Variants in GINM1 observed in about 807,000 individuals in gnomAD.
The protein encoded by GINM1 is glycosylated integral membrane protein 1.
In GINM1, 29 loss-of-function variants were observed where a neutral mutation model predicts 37.8. The observed-to-expected ratio is 0.77, with a 90% CI of 0.57 to 1.05. The LOEUF (loss-of-function observed/expected upper bound fraction) is 1.05, where lower values mean the gene tolerates loss of function less well. Ranked by LOEUF, GINM1 falls within the 50% of genes least tolerant of loss-of-function variation. The pLI is 0.00. For synonymous variants in GINM1, 143 were observed against 146.2 expected (o/e 0.98, Z 0.16); for missense variants, 377 against 397.9 (o/e 0.95, Z 0.45).
chr6:149,582,378 AT>A (rs1778015113), intron 6 of GINM1, 61 bp from the exon 7 acceptor site: 1 of 1,405,622 alleles, frequency 7.1e-7, no homozygotes, highest in African/African-American at 1.4e-5. Context: ...ACATTAAAAA[AT>A]TTAAAGTTTA....
intron 6 of GINM1, chr6:149,582,022 A>G (rs1156520442): frequency 6.4e-6 from 3 of 471,028 alleles, no homozygotes; most frequent in East Asian, 6.9e-5. Flanking sequence ...AAAATTTTCT[A>G]ATATGTTTGT....
Position 149,566,430 on chromosome 6 carries a change from C to A in GINM1, c.16C>A (p.Pro6Thr). 6.4e-7 allele frequency: 1 copy of A among 1,572,600 alleles called. No homozygotes were observed. The highest frequency in any genetic ancestry group is 8.5e-7 in the Non-Finnish European group (1 of 1,170,040). Reference sequence around the variant, plus strand: ...GTTGTCCAAGATGGAGGGCGCTCCACCGGGGTCGCTCGCCCTCCGGCTCCT... The same window carrying A: ...GTTGTCCAAGATGGAGGGCGCTCCAACGGGGTCGCTCGCCCTCCGGCTCCT... MEGAPPGSLALRLLLF... is the reference protein window; with the variant it reads MEGAPTGSLALRLLLF... Residue 6 changes from proline to threonine, a missense_variant, in exon 1 of 8, where the codon CCG becomes ACG. Transcript: ENST00000367419. The surrounding 1 kb of genome is among the most constrained non-coding windows in gnomAD (Gnocchi z 4.4).
At chr6:149,571,312 C>CAAA (rs112300927) in intron 1 of GINM1, among the ~76,000 whole-genome samples, 1 of 73,070 alleles carries the variant, frequency 1.4e-5, no homozygotes. Flanking sequence ...GACTCCCTCT[C>CAAA]AAAAAAAAAA....
chr6:149,580,745 A>G (rs767871983), intron 6 of GINM1, 22 bp downstream of exon 6: 5 of 1,608,506 alleles, frequency 3.1e-6, no homozygotes, highest in Admixed American at 1.7e-5. Flanking sequence ...ATTTGGTGTT[A>G]TCATAAGCAT....
Position 149,579,838 on chromosome 6 carries a change from A to G in GINM1, c.434A>G (p.Gln145Arg), listed in dbSNP as rs372765071. Residue 145 changes from glutamine to arginine, a missense_variant, in exon 5 of 8, where the codon CAG becomes CGG. Gln to Arg is a conservative substitution (Grantham distance 43). Transcript: ENST00000367419. ...TAATTATATTTTCTTTCACAGGTTC[A>G]GCAAAAGGATGTCACTGAAATTGAT... Reference protein sequence around the residue: ...EVVEIDGKQVQQKDVTEIDIL... With the variant: ...EVVEIDGKQVRQKDVTEIDIL... 5.0e-6 allele frequency: 8 copies of G among 1,584,358 alleles called. No homozygotes were observed. Among genetic ancestry groups the G allele is most frequent in the South Asian group, 1.2e-5 (1 of 86,528 alleles).
At position 149,566,575 on chromosome 6, in the gene GINM1, A is replaced by ACT. The variant is rs1207105208; in HGVS notation, c.120+45_120+46dup. On this transcript the variant is annotated intron_variant, in intron 1 of 7. Coordinates refer to ENST00000367419, the MANE Select transcript of GINM1 (RefSeq NM_138785.5). The surrounding 1 kb of genome is among the most constrained non-coding windows in gnomAD (Gnocchi z 4.4). ...CCTGGCTGGCCGCTTTACGACTCCG[A>ACT]CTCTCCGGGAGGCCCGGGCTGTCCA... is the stretch of plus-strand genomic sequence containing the variant. The ACT allele has an allele frequency of 4.8e-6, 7 of 1,443,804 alleles. No individual in the cohort carries two copies. The highest frequency in any genetic ancestry group is 6.4e-6 in the Non-Finnish European group (7 of 1,098,244). The allele number at this position is 1,443,804 out of a possible 1,614,324, so 89.4% of individuals were successfully genotyped here.
chr6:149,569,965 C>T (rs949516379), intron 1 of GINM1, among the ~76,000 whole-genome samples: 2 of 151,610 alleles, frequency 1.3e-5, no homozygotes, highest in Non-Finnish European at 1.5e-5. Context: ...TAAATATGAC[C>T]TGGCTCTGAA....
At chr6:149,587,250 G>A (rs1778082385) in intron 7 of GINM1, among the ~76,000 whole-genome samples, 4 of 152,160 alleles carry the variant, frequency 2.6e-5, no homozygotes, top group Admixed American at 2.6e-4. Context: ...ATACGTGTGT[G>A]GGGATTTTTC....
Position 149,591,388 on chromosome 6 carries a change from A to G in GINM1, c.*550A>G, listed in dbSNP as rs1450664796. On this transcript the variant is annotated 3_prime_UTR_variant, in exon 8 of 8. Transcript: ENST00000367419. The stretch of plus-strand genomic sequence containing the variant: ...AAAGTGGAAGAGAACACATGTGAAG[A>G]GACTTTGAAATTATCAAAAGAAAAA... The G allele has an allele frequency of 2.0e-5, 3 of 152,118 alleles. No homozygotes were observed. Among genetic ancestry groups the G allele is most frequent in the Non-Finnish European group, 4.4e-5 (3 of 67,990 alleles). 9.4% of individuals were successfully genotyped at this position (152,118 alleles called of 1,614,324 possible). A position where few individuals can be genotyped will look rare whatever the true frequency, so the allele number is the denominator to read the frequency against.
chr6:149,572,049 C>G lies in GINM1; in HGVS notation c.121-236C>G, dbSNP rs116613820. Among the ~76,000 whole-genome samples the G allele has an allele frequency of 4.1e-3, 617 of 151,680 alleles. 2 individuals carry two copies. Among genetic ancestry groups the G allele is most frequent in the African/African-American group, 0.014 (586 of 41,350 alleles). On this transcript the variant is annotated intron_variant, in intron 1 of 7. Transcript: ENST00000367419. ...TGAGCCCAGATTGCGGTACTGCACT[C>G]CAGCCTGGCGACAAAGTGAGACTCT... is the stretch of plus-strand genomic sequence containing the variant.
chr6:149,581,307 C>T (rs865854471), intron 6 of GINM1, among the ~76,000 whole-genome samples: 3 of 152,116 alleles, frequency 2.0e-5, no homozygotes, highest in East Asian at 1.9e-4. Context: ...TACAGGCACA[C>T]GCTACCACGC....
chr6:149,566,462 C>T lies in GINM1; in HGVS notation c.48C>T (p.Phe16=), dbSNP rs750702764. The T allele has an allele frequency of 2.5e-6, 4 of 1,571,116 alleles. No individual in the cohort carries two copies. Among genetic ancestry groups the T allele is most frequent in the Non-Finnish European group, 3.4e-6 (4 of 1,169,286 alleles). Residue 16 remains phenylalanine, a synonymous_variant, in exon 1 of 8, where the codon TTC becomes TTT. Transcript: ENST00000367419. This position sits in a 1 kb window ranked among gnomAD's most constrained non-coding sequence, Gnocchi z 4.4. ...CGCTCGCCCTCCGGCTCCTGCTGTTCGTGGCGCTACCCGCCTCCGGCTGGC... is the reference window on the plus strand; with the variant it reads ...CGCTCGCCCTCCGGCTCCTGCTGTTTGTGGCGCTACCCGCCTCCGGCTGGC... The part of the protein sequence containing the change: ...PGSLALRLLL[F]VALPASGWLT...
intron 5 of GINM1, among the ~76,000 whole-genome samples, chr6:149,580,302 A>G (rs1777980080): frequency 6.6e-6 from 1 of 152,222 alleles, no homozygotes; most frequent in Non-Finnish European, 1.5e-5. Context: ...TAATAAGACT[A>G]TTGTAAAGGT....
At chr6:149,583,805 A>T (rs1778034584) in intron 7 of GINM1, among the ~76,000 whole-genome samples, 1 of 152,138 alleles carries the variant, frequency 6.6e-6, no homozygotes, top group Non-Finnish European at 1.5e-5. Context: ...ATAAATGCAT[A>T]GAAAATTTCT....
At position 149,589,498 on chromosome 6, in the gene GINM1, CCT is replaced by C. The variant is rs1050657959; in HGVS notation, c.882-1228_882-1227del. Among the ~76,000 whole-genome samples the C allele has an allele frequency of 1.8e-4, 27 of 152,000 alleles. 1 individual carries two copies. The highest frequency in any genetic ancestry group is 1.8e-3 in the Admixed American group (27 of 15,254). ...ATGTTGGCCAGGCTGGCCTCGAACT[CCT>C]GACCTCAGGTGATCCACCCACCTCA... On this transcript the variant is annotated intron_variant, in intron 7 of 7. Transcript: ENST00000367419.
intron 1 of GINM1, among the ~76,000 whole-genome samples, chr6:149,570,156 AT>A (rs1777791885): frequency 2.3e-4 from 11 of 47,280 alleles, no homozygotes; most frequent in Admixed American, 1.7e-3. Flanking sequence ...ATATATATAT[AT>A]ATATATATAT....
At chr6:149,582,338 A>G (rs1778014703) in intron 6 of GINM1, 102 bp from the exon 7 acceptor site, 5 of 996,208 alleles carry the variant, frequency 5.0e-6, no homozygotes, top group Admixed American at 2.3e-5. Flanking sequence ...CAATCAAAAT[A>G]TAGAATATTT....
In GINM1 at chr6:149,583,586, G is replaced by A. The variant is rs543147044; in HGVS notation, c.881+983G>A. 3.4e-3 allele frequency among the ~76,000 whole-genome samples: 508 copies of A among 149,542 alleles called. 1 individual carries two copies. Among genetic ancestry groups the A allele is most frequent in the Non-Finnish European group, 5.3e-3 (359 of 67,720 alleles). ...GGAGGTTGTGGTGAGCCGAGATCGC[G>A]CCATTGCACTCCAGCCTGGGAAACG... On this transcript the variant is annotated intron_variant, in intron 7 of 7. Transcript: ENST00000367419.
chr6:149,575,552 A>C (rs746191413), intron 3 of GINM1, among the ~76,000 whole-genome samples: 3 of 152,228 alleles, frequency 2.0e-5, no homozygotes, highest in Non-Finnish European at 4.4e-5. Context: ...GGAAGAAATC[A>C]CATAGGATAT....
Sources: allele counts gnomAD v4.1 joint callset (sites outside exome capture counted in the v4.1 genomes callset), GRCh38; gene constraint gnomAD v4.1.1; non-coding constraint Gnocchi (gnomAD v3.1); transcripts MANE v1.5; gene names NCBI Gene and HGNC (gene_info 2026-07-23, HGNC 2026-07-21).